The following DRC4 variants were observed in gnomAD, a reference collection of about 807,000 sequenced individuals.
DRC4 encodes dynein regulatory complex subunit 4.
the DRC4 span, chr16:90,031,082 G>C: frequency 1.8e-6 from 2 of 1,087,750 alleles, no homozygotes; most frequent in South Asian, 1.7e-5. Flanking sequence ...GTTATTTTAT[G>C]ATTATTGGCC....
At chr16:90,027,884 C>T in the DRC4 span, 76 of 626,770 alleles carry the variant, frequency 1.2e-4, 1 homozygote, top group South Asian at 1.3e-3. Context: ...GCAAAGCTTT[C>T]GGCTGCACCA....
At chr16:90,044,275 C>T in the DRC4 span, 2 of 440,758 alleles carry the variant, frequency 4.5e-6, no homozygotes, top group Admixed American at 5.4e-5. Context: ...GCCCAGCCTC[C>T]CCACAAAGCC....
chr16:90,021,128 G>C, the DRC4 span, among the ~76,000 whole-genome samples: 1 of 152,236 alleles, frequency 6.6e-6, no homozygotes, highest in African/African-American at 2.4e-5. Flanking sequence ...AGCCAATGCA[G>C]TTCTTCCAAC....
chr16:90,027,253 T>A, the DRC4 span, among the ~76,000 whole-genome samples: 2 of 151,360 alleles, frequency 1.3e-5, no homozygotes, highest in African/African-American at 4.9e-5. Context: ...GCCCGGCTAA[T>A]TTTTTTTTGT....
chr16:90,043,103 A>G, the DRC4 span: 1 of 1,401,106 alleles, frequency 7.1e-7, no homozygotes, highest in Non-Finnish European at 9.7e-7. Context: ...CTGCACCGTG[A>G]TGCTCACGCT....
chr16:90,035,452 C>T, the DRC4 span, among the ~76,000 whole-genome samples: 8 of 152,170 alleles, frequency 5.3e-5, no homozygotes, highest in East Asian at 1.9e-4. Context: ...TGGAACCAAG[C>T]GGGTTCAGTG....
the DRC4 span, chr16:90,044,834 AAG>A: frequency 4.0e-6 from 1 of 249,154 alleles, no homozygotes; most frequent in African/African-American, 2.3e-5. Context: ...GAGAAGCAAA[AAG>A]GGAAAAAGTC....
the DRC4 span, among the ~76,000 whole-genome samples, chr16:90,033,869 C>G: frequency 6.6e-6 from 1 of 151,148 alleles, no homozygotes; most frequent in Non-Finnish European, 1.5e-5. Context: ...AGGTGGGGTG[C>G]GGTTTTGTAC....
the DRC4 span, among the ~76,000 whole-genome samples, chr16:90,028,463 C>A: frequency 6.6e-6 from 1 of 152,154 alleles, no homozygotes; most frequent in African/African-American, 2.4e-5. Flanking sequence ...GCTGGGATTA[C>A]AGGCATGAGC....
the DRC4 span, chr16:90,039,962 G>A: frequency 1.4e-5 from 5 of 361,782 alleles, no homozygotes; most frequent in Admixed American, 1.1e-4. Context: ...TGAGCCCACA[G>A]CCCTCACTCG....
the DRC4 span, chr16:90,043,675 G>A: frequency 3.7e-6 from 2 of 535,842 alleles, no homozygotes; most frequent in East Asian, 5.0e-5. Flanking sequence ...GCCGCGCTGT[G>A]CTGCCTGTCT....
At chr16:90,033,908 G>T in the DRC4 span, among the ~76,000 whole-genome samples, 1 of 151,000 alleles carries the variant, frequency 6.6e-6, no homozygotes, top group Admixed American at 6.6e-5. Flanking sequence ...GAGACGGGAT[G>T]GGCCAGTGGG....
the DRC4 span, among the ~76,000 whole-genome samples, chr16:90,026,507 AT>A: frequency 6.6e-6 from 1 of 152,122 alleles, no homozygotes; most frequent in African/African-American, 2.4e-5. Flanking sequence ...TTATGGAGGC[AT>A]TTCTCCCTAA....
the DRC4 span, chr16:90,027,805 G>T: frequency 7.6e-7 from 1 of 1,308,252 alleles, no homozygotes; most frequent in Non-Finnish European, 1.1e-6. Flanking sequence ...TGTCCATCTT[G>T]CCATGTGGAT....
chr16:90,043,309 C>T, the DRC4 span: 1 of 1,612,130 alleles, frequency 6.2e-7, no homozygotes, highest in Non-Finnish European at 8.5e-7. Flanking sequence ...AGACACTGGG[C>T]CAGGGCCCCG....
At chr16:90,041,979 C>G in the DRC4 span, among the ~76,000 whole-genome samples, 12 of 151,984 alleles carry the variant, frequency 7.9e-5, no homozygotes, top group Non-Finnish European at 1.5e-4. Context: ...GCTCTGTCAC[C>G]CAGACTGGAG....
the DRC4 span, chr16:90,037,755 C>G: frequency 1.2e-6 from 2 of 1,613,140 alleles, no homozygotes; most frequent in Non-Finnish European, 1.7e-6. Context: ...CCCTGTTTTT[C>G]CTCCAGTGCA....
At chr16:90,022,824 T>A in the DRC4 span, 3 of 1,142,320 alleles carry the variant, frequency 2.6e-6, no homozygotes, top group South Asian at 4.7e-5. Flanking sequence ...ATGGGAGGCC[T>A]GGAGCGCTGG....
the DRC4 span, chr16:90,020,133 T>A: frequency 1.7e-6 from 1 of 593,142 alleles, no homozygotes; most frequent in East Asian, 2.9e-5. Flanking sequence ...AAGCAAATTA[T>A]ATACACATTA....
Sources: gnomAD v4.1 joint callset for allele counts (sites outside exome capture counted in the v4.1 genomes callset) on GRCh38, gnomAD v4.1.1 for gene constraint, MANE v1.5 for transcripts, NCBI Gene and HGNC (gene_info 2026-07-23, HGNC 2026-07-21) for gene names.